Variants in NAV1 observed in about 807,000 individuals in gnomAD.
NAV1 encodes the protein pore membrane and/or filament interacting like protein 3.
In NAV1, 18 loss-of-function variants were observed where a neutral mutation model predicts 175.2. That is an observed-to-expected ratio of 0.10 (90% CI 0.07 to 0.15). NAV1 has a LOEUF of 0.15. Among genes scored for constraint, NAV1 ranks in the 10% least tolerant of loss-of-function variants. The pLI is 1.00. For missense variants in NAV1, 1,731 were observed against 2,436.6 expected (o/e 0.71, Z 6.10); for synonymous variants, 897 against 978.7 (o/e 0.92, Z 1.56).
At chr1:201,708,486 G>A (rs1671767313) in intron 1 of NAV1, among the ~76,000 whole-genome samples, 1 of 151,390 alleles carries the variant, frequency 6.6e-6, no homozygotes, top group African/African-American at 2.4e-5. Context: ...CACTCTTGCA[G>A]CTGGACCCTG....
At chr1:201,687,777 C>A (rs1421821550) in intron 1 of NAV1, among the ~76,000 whole-genome samples, 1 of 152,198 alleles carries the variant, frequency 6.6e-6, no homozygotes, top group East Asian at 1.9e-4. Context: ...CCCACCCTTT[C>A]CTGAAGCCTG....
intron 1 of NAV1, among the ~76,000 whole-genome samples, chr1:201,560,489 G>A (rs769180793): frequency 9.2e-5 from 14 of 152,152 alleles, no homozygotes; most frequent in Non-Finnish European, 1.8e-4. Flanking sequence ...ATCCTGGTGT[G>A]GTGACCAACA....
In NAV1 at chr1:201,552,995, G is replaced by A. The variant is rs142897897; in HGVS notation, c.-144+13653G>A. On this transcript the variant is annotated intron_variant, in intron 1 of 33. Coordinates refer to the NAV1 transcript ENST00000685211. ...TCCAGACTGCAGGCCTCCAGGGGAC[G>A]AGGGGGGCAGAGTGGCCTGGGGTTT... 5.6e-3 allele frequency among the ~76,000 whole-genome samples: 850 copies of A among 152,284 alleles called. 13 individuals are homozygous for A. Among genetic ancestry groups the A allele is most frequent in the African/African-American group, 0.019 (793 of 41,548 alleles).
At chr1:201,693,872 A>T (rs1464751196) in intron 1 of NAV1, among the ~76,000 whole-genome samples, 1 of 152,170 alleles carries the variant, frequency 6.6e-6, no homozygotes, top group Non-Finnish European at 1.5e-5. Flanking sequence ...CTGAAGTCTC[A>T]TGGTGCAGAG....
intron 2 of NAV1, among the ~76,000 whole-genome samples, chr1:201,601,649 G>A (rs1667515908): frequency 1.3e-5 from 2 of 152,116 alleles, no homozygotes; most frequent in Non-Finnish European, 2.9e-5. Context: ...GGGCAGGAAG[G>A]TGCCATATAT....
intron 3 of NAV1, among the ~76,000 whole-genome samples, chr1:201,722,240 A>T (rs1672416564): frequency 6.6e-6 from 1 of 152,212 alleles, no homozygotes; most frequent in South Asian, 2.1e-4. Flanking sequence ...AACTGTACCC[A>T]TTAAACAGTA....
At chr1:201,543,271 A>T (rs1176080005) in intron 1 of NAV1, among the ~76,000 whole-genome samples, 1 of 152,162 alleles carries the variant, frequency 6.6e-6, no homozygotes, top group African/African-American at 2.4e-5. Flanking sequence ...TGGGCTTTTC[A>T]TAAATGTCCT....
Position 201,718,690 on chromosome 1 carries a change from C to T in NAV1, c.1161C>T (p.Ser387=), listed in dbSNP as rs368987036. ...ACTCGGATGAGGTGGACCTCAAGTC[C>T]GGCTACATGAGCGACAGTGACCTCA... The change falls in exon 3 of 30, where the codon TCC becomes TCT. Residue 387 remains serine (S), a synonymous_variant. Transcript: ENST00000367296. This position sits in a 1 kb window ranked among gnomAD's most constrained non-coding sequence, Gnocchi z 4.8. 8.1e-6 allele frequency: 13 copies of T among 1,614,144 alleles called. No homozygotes were observed. The highest frequency in any genetic ancestry group is 1.6e-4 in the Middle Eastern group (1 of 6,062).
At chr1:201,678,139 AC>A (rs1670326025) in intron 1 of NAV1, among the ~76,000 whole-genome samples, 1 of 152,150 alleles carries the variant, frequency 6.6e-6, no homozygotes, top group Non-Finnish European at 1.5e-5. Flanking sequence ...TTTTCGCACC[AC>A]CCTGATAAAG....
chr1:201,567,863 C>T (rs1484535984), intron 1 of NAV1, among the ~76,000 whole-genome samples: 1 of 151,844 alleles, frequency 6.6e-6, no homozygotes, highest in East Asian at 1.9e-4. Context: ...CCTGCCTGCA[C>T]ATCGAGAATG....
At chr1:201,687,483 A>G (rs926816470) in intron 1 of NAV1, among the ~76,000 whole-genome samples, 2 of 152,178 alleles carry the variant, frequency 1.3e-5, no homozygotes, top group East Asian at 3.9e-4. Context: ...AACAATAACA[A>G]CTATGATATG....
intron 3 of NAV1, among the ~76,000 whole-genome samples, chr1:201,720,893 G>A (rs957046903): frequency 1.3e-5 from 2 of 151,892 alleles, no homozygotes; most frequent in Non-Finnish European, 2.9e-5. Flanking sequence ...CACTTACTCA[G>A]CATCAGCAGC....
upstream of NAV1, among the ~76,000 whole-genome samples, chr1:201,622,115 T>G: frequency 7.1e-6 from 1 of 139,978 alleles, no homozygotes. Flanking sequence ...TAGACGAGGG[T>G]GGCAGGAGGT....
chr1:201,642,553 C>CTTTCT (rs1668817553), intron 2 of NAV1, among the ~76,000 whole-genome samples: 6 of 128,684 alleles, frequency 4.7e-5, no homozygotes, highest in Admixed American at 2.4e-4. Flanking sequence ...TTCTTTCTTT[C>CTTTCT]TTTTTTCCCT....
At chr1:201,723,263 A>AT (rs1478275512) in intron 3 of NAV1, 1 of 152,164 alleles carries the variant, frequency 6.6e-6, no homozygotes, top group Non-Finnish European at 1.5e-5. Flanking sequence ...TCCTTTGCCC[A>AT]TTTTTAAATT....
chr1:201,596,675 T>C (rs1667354499), intron 2 of NAV1, among the ~76,000 whole-genome samples: 1 of 152,184 alleles, frequency 6.6e-6, no homozygotes, highest in South Asian at 2.1e-4. Context: ...TTATTGAACA[T>C]CTACTATATT....
intron 1 of NAV1, among the ~76,000 whole-genome samples, chr1:201,552,589 G>A (rs889060404): frequency 6.6e-6 from 1 of 152,116 alleles, no homozygotes; most frequent in Non-Finnish European, 1.5e-5. Context: ...TTTCTCGTCT[G>A]TAAAATGGGG....
intron 1 of NAV1, among the ~76,000 whole-genome samples, chr1:201,696,410 A>G (rs1671193083): frequency 6.6e-6 from 1 of 152,208 alleles, no homozygotes; most frequent in Non-Finnish European, 1.5e-5. Flanking sequence ...CCGAGGCCAG[A>G]AGCTTTACAG....
intron 14 of NAV1, 34 bp downstream of exon 18, chr1:201,793,909 T>TGTTGGGGGGGGGGGGGGGGCCCC: frequency 3.9e-6 from 2 of 516,476 alleles, no homozygotes; most frequent in Non-Finnish European, 7.8e-6. Context: ...GAGGGGTGGG[T>TGTTGGGGGGGGGGGGGGGGCCCC]GCGGCGAGGG....
Sources: gnomAD v4.1 joint callset for allele counts (sites outside exome capture counted in the v4.1 genomes callset) on GRCh38, gnomAD v4.1.1 for gene constraint, Gnocchi (gnomAD v3.1) non-coding constraint, MANE v1.5 for transcripts, NCBI Gene and HGNC (gene_info 2026-07-23, HGNC 2026-07-21) for gene names.